The following RYR2 variants were observed in gnomAD, a reference collection of about 807,000 sequenced individuals.
The protein encoded by RYR2 is ryanodine receptor 2.
Under a neutral mutation model 601.1 loss-of-function variants are expected in RYR2, and 227 were observed. That is an observed-to-expected ratio of 0.38 (90% CI 0.34 to 0.42). RYR2 has a LOEUF of 0.42. Ranked by LOEUF, RYR2 falls within the 10% of genes least tolerant of loss-of-function variation. The probability of loss-of-function intolerance (pLI) is 1.00; values close to 1 mark genes in which losing one functional copy is unlikely to be tolerated. For missense variants in RYR2, 4,646 were observed against 6,156.5 expected, an observed-to-expected ratio of 0.75 and a Z score of 8.21; for synonymous variants, 2,223 against 2,175.1, an observed-to-expected ratio of 1.02 and a Z score of -0.61.
rs967101025 is a variant in RYR2 at position 237,106,208 on chromosome 1, C to T, written c.48+63639C>T. Among the ~76,000 whole-genome samples the T allele has an allele frequency of 7.9e-5, 12 of 152,154 alleles. No homozygotes were observed. Among genetic ancestry groups the T allele is most frequent in the Admixed American group, 2.6e-4 (4 of 15,272 alleles). Reference sequence around the variant, plus strand: ...TTCTGATTTTCATTCTGAAAAGACCCGTCTGGCCACTGTGTTGAGAATAGA... The same window carrying T: ...TTCTGATTTTCATTCTGAAAAGACCTGTCTGGCCACTGTGTTGAGAATAGA... On this transcript the variant is annotated intron_variant, in intron 1 of 104. Coordinates refer to ENST00000366574, the MANE Select transcript of RYR2 (RefSeq NM_001035.3). The surrounding 1 kb of genome is among the most constrained non-coding windows in gnomAD (Gnocchi z 4.4).
At chr1:237,065,353 C>T (rs1572508439) in intron 1 of RYR2, among the ~76,000 whole-genome samples, 1 of 147,622 alleles carries the variant, frequency 6.8e-6, no homozygotes, top group South Asian at 2.2e-4. Context: ...GATCTTGGCT[C>T]ACCTCAACCT....
At chr1:237,051,282 T>TTCTCTC (rs148264575) in intron 1 of RYR2, among the ~76,000 whole-genome samples, 18,877 of 78,808 alleles carry the variant, frequency 0.24, 2,465 homozygotes, top group African/African-American at 0.28. Context: ...TCTCCTCCCC[T>TTCTCTC]TCTCTCTCTC....
chr1:237,648,406 C>A (rs1169882212), intron 48 of RYR2, 38 bp from the exon 49 acceptor site: 9 of 1,546,800 alleles, frequency 5.8e-6, no homozygotes, highest in South Asian at 2.5e-5. Flanking sequence ...CTGTATATGA[C>A]ACAGCCATTG....
chr1:237,255,409 A>T (rs180913152), intron 1 of RYR2, among the ~76,000 whole-genome samples: 2 of 152,344 alleles, frequency 1.3e-5, no homozygotes, highest in African/African-American at 4.8e-5. Flanking sequence ...GATGACATCT[A>T]TATCCAAGCC....
chr1:237,808,884 G>C lies in RYR2; in HGVS notation c.14299-17G>C. On this transcript the variant is annotated splice_polypyrimidine_tract_variant and intron_variant, in intron 99 of 104. Coordinates refer to ENST00000366574, the MANE Select transcript of RYR2 (RefSeq NM_001035.3). ...CCTACATTTCTAATACCTGGTCCTT[G>C]TCACATTGTTTTCCAGCTCGTATTA... 6.2e-7 allele frequency: 1 copy of C among 1,612,930 alleles called. No individual in the cohort carries two copies. The highest frequency in any genetic ancestry group is 8.5e-7 in the Non-Finnish European group (1 of 1,179,152).
intron 1 of RYR2, among the ~76,000 whole-genome samples, chr1:237,125,624 T>A (rs1671324844): frequency 6.6e-6 from 1 of 152,216 alleles, no homozygotes; most frequent in East Asian, 1.9e-4. Flanking sequence ...GTTTTTGTGC[T>A]AAGTTCCTCA....
In RYR2 at chr1:237,639,469, G is replaced by A. The variant is rs77251380; in HGVS notation, c.7115+268G>A. ...ATGCATCTTATGAATTTTCCTAGGG[G>A]AGCTAGGGCAAGGTGGGTTGTTGTA... On this transcript the variant is annotated intron_variant, in intron 46 of 104. Coordinates refer to ENST00000366574, the MANE Select transcript of RYR2 (RefSeq NM_001035.3). 0.011 allele frequency among the ~76,000 whole-genome samples: 1,713 copies of A among 152,284 alleles called. 30 individuals carry two copies. The highest frequency in any genetic ancestry group is 0.037 in the African/African-American group (1,527 of 41,548).
chr1:237,073,314 G>A (rs745577808), intron 1 of RYR2, among the ~76,000 whole-genome samples: 26 of 152,228 alleles, frequency 1.7e-4, no homozygotes, highest in Admixed American at 7.9e-4. Flanking sequence ...CATATACAAC[G>A]TGGACCACAC....
At chr1:237,084,929 T>G (rs1666144694) in intron 1 of RYR2, among the ~76,000 whole-genome samples, 3 of 152,244 alleles carry the variant, frequency 2.0e-5, no homozygotes, top group Admixed American at 2.0e-4. Flanking sequence ...GGAATAACCT[T>G]GCCGACAGAG....
chr1:237,220,957 G>A (rs192088930), intron 1 of RYR2, among the ~76,000 whole-genome samples: 13 of 152,160 alleles, frequency 8.5e-5, no homozygotes, highest in African/African-American at 3.1e-4. Context: ...GTAGCTGGGC[G>A]TGGTGGTGGG....
chr1:237,610,828 C>T lies in RYR2; in HGVS notation c.4750C>T (p.Pro1584Ser), dbSNP rs745824179. 3.1e-6 allele frequency: 5 copies of T among 1,612,478 alleles called. No homozygotes were observed. The highest frequency in any genetic ancestry group is 2.2e-5 in the South Asian group (2 of 90,676). ...EHKNPVPQCP[P>S]RLHVQFLSHV... is the part of the protein sequence containing the mutation. ...CAAGAACCCCGTGCCGCAGTGCCCC[C>T]CGCGCCTCCACGTGCAGTTCCTGTC... is the stretch of plus-strand genomic sequence containing the variant. The change falls in exon 36 of 105, where the codon CCG becomes TCG. Residue 1584 changes from proline to serine, a missense_variant. By Grantham distance (74) the Pro-to-Ser change is moderately conservative (BLOSUM62 -1). Coordinates refer to ENST00000366574, the MANE Select transcript of RYR2 (RefSeq NM_001035.3). This position sits in a 1 kb window ranked among gnomAD's most constrained non-coding sequence, Gnocchi z 4.9.
intron 1 of RYR2, among the ~76,000 whole-genome samples, chr1:237,108,808 T>C (rs1375817024): frequency 1.3e-5 from 2 of 152,344 alleles, no homozygotes; most frequent in East Asian, 1.9e-4. Context: ...CTCTTGTCTG[T>C]GCTTTCCACC....
chr1:237,814,212 A>G (rs1661543896), intron 100 of RYR2, among the ~76,000 whole-genome samples: 1 of 152,254 alleles, frequency 6.6e-6, no homozygotes. Context: ...CTTTCAAAGT[A>G]CAGGCTTATT....
intron 11 of RYR2, among the ~76,000 whole-genome samples, chr1:237,418,514 C>T (rs1156583465): frequency 6.6e-6 from 1 of 152,074 alleles, no homozygotes; most frequent in African/African-American, 2.4e-5. Context: ...CTTTCATTAT[C>T]AGTTTAGATG....
intron 1 of RYR2, among the ~76,000 whole-genome samples, chr1:237,123,369 T>C (rs1671023537): frequency 6.6e-6 from 1 of 152,192 alleles, no homozygotes; most frequent in African/African-American, 2.4e-5. Context: ...GGAGGATTAC[T>C]TGAGCCTAGG....
At chr1:237,694,091 G>C (rs555020572) in intron 63 of RYR2, among the ~76,000 whole-genome samples, 3 of 151,868 alleles carry the variant, frequency 2.0e-5, no homozygotes, top group Admixed American at 2.0e-4. Context: ...TCAGGGGATC[G>C]AGACCATCCT....
chr1:237,424,050 A>G (rs1277284987), intron 12 of RYR2, among the ~76,000 whole-genome samples: 2 of 152,064 alleles, frequency 1.3e-5, no homozygotes, highest in Non-Finnish European at 2.9e-5. Flanking sequence ...GTCTCACGAG[A>G]ACTCACTCAC....
chr1:237,158,094 A>C (rs866248779), intron 1 of RYR2, among the ~76,000 whole-genome samples: 102 of 152,332 alleles, frequency 6.7e-4, no homozygotes, highest in Middle Eastern at 3.4e-3. Context: ...ATGGAAATAA[A>C]AGTACCTTCC....
intron 3 of RYR2, among the ~76,000 whole-genome samples, chr1:237,347,693 T>A (rs978657855): frequency 1.3e-5 from 2 of 152,106 alleles, no homozygotes; most frequent in African/African-American, 4.8e-5. Context: ...CATTTCTACC[T>A]GGAAATACTA....
Sources: gnomAD v4.1 joint callset for allele counts (sites outside exome capture counted in the v4.1 genomes callset) on GRCh38, gnomAD v4.1.1 for gene constraint, Gnocchi (gnomAD v3.1) non-coding constraint, MANE v1.5 for transcripts, NCBI Gene and HGNC (gene_info 2026-07-23, HGNC 2026-07-21) for gene names.